The following HLTF variants were observed in gnomAD, a reference collection of about 807,000 sequenced individuals.
The protein encoded by HLTF is helicase like transcription factor, also known as DNA-dependent ATPase/E3 ubiquitin-protein ligase HLTF.
HLTF carries 127 observed loss-of-function variants against 129.4 expected under a neutral mutation model. The ratio of observed to expected loss-of-function variants is 0.98; its 90% CI spans 0.85 to 1.14. The LOEUF is 1.14. Ranked by LOEUF, HLTF falls within the 50% of genes most tolerant of loss-of-function variation. The probability of loss-of-function intolerance (pLI) is 0.00; values close to 1 mark genes in which losing one functional copy is unlikely to be tolerated. For missense variants in HLTF, 1,139 were observed against 1,187.1 expected (o/e 0.96, Z 0.60); for synonymous variants, 332 against 388.8 (o/e 0.85, Z 1.72).
At chr3:149,035,725 G>C (rs1715551686) in intron 23 of HLTF, among the ~76,000 whole-genome samples, 1 of 139,108 alleles carries the variant, frequency 7.2e-6, no homozygotes, top group Non-Finnish European at 1.6e-5. Context: ...TTATTTTTTT[G>C]TTGATGCTAT....
At position 149,035,006 on chromosome 3, in the gene HLTF, G is replaced by GAA. The variant is rs1559851776; in HGVS notation, c.2797-10_2797-9dup. 6.3e-7 allele frequency: 1 copy of GAA among 1,597,476 alleles called. No homozygotes were observed. The highest frequency in any genetic ancestry group is 8.6e-7 in the Non-Finnish European group (1 of 1,164,820). ...AGCAGCAGGATTCCAGGCCTAACAA[G>GAA]AACATGGATGAGTTACTTTACTACT... is the stretch of plus-strand genomic sequence containing the variant. On this transcript the variant is annotated splice_polypyrimidine_tract_variant and intron_variant, in intron 23 of 24. Transcript: ENST00000310053.
At chr3:149,043,558 A>C (rs59169553) in intron 18 of HLTF, among the ~76,000 whole-genome samples, 10,496 of 150,720 alleles carry the variant, frequency 0.07, 428 homozygotes, top group South Asian at 0.15. Flanking sequence ...AAAAAAAAAA[A>C]AAAAAAAAAA....
At chr3:149,047,687 G>T (rs1364752563) in intron 17 of HLTF, among the ~76,000 whole-genome samples, 1 of 152,030 alleles carries the variant, frequency 6.6e-6, no homozygotes, top group Non-Finnish European at 1.5e-5. Flanking sequence ...TATAAGATAT[G>T]AAAACTTAAT....
intron 24 of HLTF, among the ~76,000 whole-genome samples, chr3:149,034,193 C>T (rs1381685051): frequency 6.6e-6 from 1 of 152,068 alleles, no homozygotes; most frequent in Non-Finnish European, 1.5e-5. Context: ...TATTTTGAAA[C>T]CAACTCGATA....
At chr3:149,057,081 G>A (rs1233948586) in intron 13 of HLTF, among the ~76,000 whole-genome samples, 3 of 113,172 alleles carry the variant, frequency 2.7e-5, no homozygotes, top group Non-Finnish European at 5.0e-5. Context: ...CTGCACTCCA[G>A]CCTGGGCGAC....
chr3:149,071,141 T>C, intron 7 of HLTF, 111 bp downstream of exon 7: 2 of 618,530 alleles, frequency 3.2e-6, no homozygotes, highest in Non-Finnish European at 5.5e-6. Context: ...TAGTAAGATC[T>C]AGTCCCAAAC....
At position 149,074,198 on chromosome 3, in the gene HLTF, T is replaced by A. The variant is rs755639943; in HGVS notation, c.529+17A>T. 1.9e-5 allele frequency: 31 copies of A among 1,603,814 alleles called. No individual in the cohort carries two copies. In the South Asian group the frequency reaches 3.3e-4, roughly 17 times the overall value. On this transcript the variant is annotated intron_variant, in intron 4 of 24. Coordinates refer to ENST00000310053, the MANE Select transcript of HLTF (RefSeq NM_003071.4). Reference sequence around the variant, plus strand: ...CTTACAATATCAGAATAATATTAAGTGAAACCCTAAACTTACTTTTTGGTG... The same window carrying A: ...CTTACAATATCAGAATAATATTAAGAGAAACCCTAAACTTACTTTTTGGTG...
intron 4 of HLTF, among the ~76,000 whole-genome samples, chr3:149,073,953 T>C (rs558511737): frequency 3.9e-5 from 6 of 152,312 alleles, no homozygotes; most frequent in East Asian, 1.9e-4. Flanking sequence ...GGAGGGTATA[T>C]ATGAGACTTC....
At chr3:149,063,123 G>A (rs774281001) in intron 10 of HLTF, 5 of 460,880 alleles carry the variant, frequency 1.1e-5, no homozygotes, top group African/African-American at 6.0e-5. Context: ...GCAGTGGTGC[G>A]ATCTTAACTC....
intron 14 of HLTF, among the ~76,000 whole-genome samples, chr3:149,051,615 C>G (rs1161394482): frequency 6.6e-6 from 1 of 152,230 alleles, no homozygotes; most frequent in African/African-American, 2.4e-5. Context: ...AATCCCGGCA[C>G]TTTGGGAGGC....
At position 149,082,415 on chromosome 3, in the gene HLTF, C is replaced by T. The variant is rs1447463423; in HGVS notation, c.228+2267G>A. On this transcript the variant is annotated intron_variant, in intron 2 of 24. Coordinates refer to ENST00000310053, the MANE Select transcript of HLTF (RefSeq NM_003071.4). ...CGGAGCTTGCAATGAGCCGAGATCCCGCCACTGCGCTCCAGCCTGAGAAAC... is the reference window on the plus strand; with the variant it reads ...CGGAGCTTGCAATGAGCCGAGATCCTGCCACTGCGCTCCAGCCTGAGAAAC... Among the ~76,000 whole-genome samples the T allele has an allele frequency of 2.6e-5, 4 of 152,150 alleles. No individual in the cohort carries two copies. The East Asian group carries it at 7.7e-4, about 29-fold the overall frequency.
intron 1 of HLTF, among the ~76,000 whole-genome samples, chr3:149,085,905 C>T (rs1383386726): frequency 6.6e-6 from 1 of 152,192 alleles, no homozygotes; most frequent in Non-Finnish European, 1.5e-5. Flanking sequence ...TCTCTACTAG[C>T]GCCTCTGCAA....
intron 2 of HLTF, among the ~76,000 whole-genome samples, chr3:149,081,384 G>A (rs558034770): frequency 2.0e-5 from 3 of 151,938 alleles, no homozygotes; most frequent in African/African-American, 7.2e-5. Flanking sequence ...TACTTAACAC[G>A]TTTAAAGATT....
intron 1 of HLTF, among the ~76,000 whole-genome samples, chr3:149,085,556 T>G (rs936479781): frequency 4.6e-5 from 7 of 152,196 alleles, no homozygotes; most frequent in African/African-American, 1.7e-4. Flanking sequence ...TATAAAAGAC[T>G]TATAAAAATA....
intron 10 of HLTF, among the ~76,000 whole-genome samples, chr3:149,061,836 C>CA (rs770669148): frequency 0.04 from 2,626 of 65,530 alleles, 82 homozygotes; most frequent in African/African-American, 0.13. Flanking sequence ...AACTCTGTCT[C>CA]AAAAAAAAAA....
chr3:149,040,183 C>G, intron 20 of HLTF, 27 bp from the exon 21 acceptor site: 1 of 1,582,684 alleles, frequency 6.3e-7, no homozygotes, highest in Non-Finnish European at 8.5e-7. Context: ...GAAGTATGAG[C>G]AACACTTAAC....
chr3:149,050,198 T>G, intron 15 of HLTF, 34 bp downstream of exon 15: 1 of 1,389,046 alleles, frequency 7.2e-7, no homozygotes, highest in Non-Finnish European at 9.9e-7. Context: ...ACATTCAATC[T>G]TTAAAAGATC....
chr3:149,075,875 C>T lies in HLTF; in HGVS notation c.395+6G>A, dbSNP rs760411573. Reference sequence around the variant, plus strand: ...TTATTAAAACTAAATTCTGAAAGTACATTACCCTTCAATTTGTGCCAATTT... The same window carrying T: ...TTATTAAAACTAAATTCTGAAAGTATATTACCCTTCAATTTGTGCCAATTT... On this transcript the variant is annotated splice_donor_region_variant and intron_variant, in intron 3 of 24. Coordinates refer to ENST00000310053, the MANE Select transcript of HLTF (RefSeq NM_003071.4). 5.7e-6 allele frequency: 9 copies of T among 1,590,480 alleles called. No homozygotes were observed. In the Admixed American group the frequency reaches 9.0e-5, roughly 16 times the overall value.
chr3:149,068,796 T>C (rs1718616049), intron 7 of HLTF, among the ~76,000 whole-genome samples: 1 of 152,234 alleles, frequency 6.6e-6, no homozygotes, highest in Non-Finnish European at 1.5e-5. Flanking sequence ...ATATATTTCT[T>C]ATGCATTTTT....
Sources: allele counts gnomAD v4.1 joint callset (sites outside exome capture counted in the v4.1 genomes callset), GRCh38; gene constraint gnomAD v4.1.1; transcripts MANE v1.5; gene names NCBI Gene and HGNC (gene_info 2026-07-23, HGNC 2026-07-21).